Variants in RBMS1 observed in about 807,000 individuals in gnomAD.
RBMS1 encodes the protein RNA binding motif single stranded interacting protein 1, also known as RNA-binding motif, single-stranded-interacting protein 1.
Under a neutral mutation model 62.3 loss-of-function variants are expected in RBMS1, and 17 were observed. The ratio of observed to expected loss-of-function variants is 0.27; its 90% confidence interval spans 0.19 to 0.41. RBMS1 has a LOEUF of 0.41. RBMS1 is among the 10% of genes least tolerant of loss of function. RBMS1 has a pLI of 1.00. For missense variants in RBMS1, 334 were observed against 504.5 expected, an observed-to-expected ratio of 0.66 and a Z score of 3.24; for synonymous variants, 172 against 170.0, an observed-to-expected ratio of 1.01 and a Z score of -0.09.
chr2:160,493,031 A>G, intron 1 of RBMS1: 3 of 409,596 alleles, frequency 7.3e-6, no homozygotes, highest in Non-Finnish European at 1.3e-5. Flanking sequence ...CGGGCCAGGA[A>G]GGGGCTGGTG....
At chr2:160,376,382 T>G (rs994766165) in intron 1 of RBMS1, among the ~76,000 whole-genome samples, 1 of 152,214 alleles carries the variant, frequency 6.6e-6, no homozygotes, top group African/African-American at 2.4e-5. Flanking sequence ...AACAAGTATT[T>G]GCAATCTCCC....
At chr2:160,354,342 G>A (rs941584753) in intron 2 of RBMS1, among the ~76,000 whole-genome samples, 1 of 152,108 alleles carries the variant, frequency 6.6e-6, no homozygotes, top group East Asian at 1.9e-4. Flanking sequence ...TAATGAATAG[G>A]GGTGGTGGAG....
At chr2:160,413,628 C>A (rs1696110384) in intron 1 of RBMS1, among the ~76,000 whole-genome samples, 1 of 152,130 alleles carries the variant, frequency 6.6e-6, no homozygotes, top group South Asian at 2.1e-4. Context: ...TCTGATGAGT[C>A]CTACCAGAAG....
chr2:160,351,446 C>T (rs879260175), intron 2 of RBMS1, among the ~76,000 whole-genome samples: 8 of 152,010 alleles, frequency 5.3e-5, no homozygotes, highest in Admixed American at 3.3e-4. Context: ...TAATACAAAC[C>T]TCTGCATATG....
intron 2 of RBMS1, among the ~76,000 whole-genome samples, chr2:160,363,179 T>C (rs1364684039): frequency 2.6e-5 from 4 of 152,170 alleles, no homozygotes; most frequent in African/African-American, 7.2e-5. Context: ...GCCTAGCACT[T>C]TTAGGTAACT....
chr2:160,492,212 T>C (rs1008460742), intron 1 of RBMS1, among the ~76,000 whole-genome samples: 35 of 152,294 alleles, frequency 2.3e-4, no homozygotes, highest in Admixed American at 1.8e-3. Flanking sequence ...AGAGTTGTGA[T>C]AGATGTTAAT....
Position 160,287,750 on chromosome 2 carries a change from CAT to C in RBMS1, c.641-668_641-667del, listed in dbSNP as rs1439516984. On this transcript the variant is annotated intron_variant, in intron 6 of 13. Coordinates refer to ENST00000348849, the MANE Select transcript of RBMS1 (RefSeq NM_016836.4). The stretch of plus-strand genomic sequence containing the variant: ...TCAGTGAATGAATAGAAATAGGTCT[CAT>C]ATGTTTATTTTTGGGATACGTCAGT... Among the ~76,000 whole-genome samples, 26 of 152,216 alleles carry C rather than the reference CAT, an allele frequency of 1.7e-4. 1 individual carries two copies. The East Asian group carries it at 3.7e-3, about 21-fold the overall frequency.
At chr2:160,353,305 C>G (rs1263476640) in intron 2 of RBMS1, among the ~76,000 whole-genome samples, 1 of 152,076 alleles carries the variant, frequency 6.6e-6, no homozygotes, top group Non-Finnish European at 1.5e-5. Context: ...TCAGGAGATG[C>G]TGATTCTGTC....
At chr2:160,385,668 G>T (rs1694531150) in intron 1 of RBMS1, among the ~76,000 whole-genome samples, 1 of 152,230 alleles carries the variant, frequency 6.6e-6, no homozygotes, top group East Asian at 1.9e-4. Flanking sequence ...ACTGAGAAGA[G>T]CATCAGGAAG....
intron 1 of RBMS1, among the ~76,000 whole-genome samples, chr2:160,389,543 C>T (rs1430014858): frequency 1.3e-5 from 2 of 151,622 alleles, no homozygotes; most frequent in Non-Finnish European, 2.9e-5. Flanking sequence ...ACTAAAAATA[C>T]AAAAATTAGC....
chr2:160,291,408 C>A (rs558310509), intron 6 of RBMS1, among the ~76,000 whole-genome samples: 1 of 152,312 alleles, frequency 6.6e-6, no homozygotes, highest in Admixed American at 6.5e-5. Flanking sequence ...CTACTTTCAA[C>A]ACTCCTCAAC....
At chr2:160,438,213 T>C (rs1683195103) in intron 1 of RBMS1, among the ~76,000 whole-genome samples, 1 of 151,798 alleles carries the variant, frequency 6.6e-6, no homozygotes, top group South Asian at 2.1e-4. Flanking sequence ...ATATAAAAAG[T>C]CCATTGTTTA....
At chr2:160,489,264 A>G (rs1211322718) in intron 1 of RBMS1, among the ~76,000 whole-genome samples, 1 of 152,206 alleles carries the variant, frequency 6.6e-6, no homozygotes, top group Non-Finnish European at 1.5e-5. Context: ...GTCATACATA[A>G]TACCCCACTC....
intron 2 of RBMS1, among the ~76,000 whole-genome samples, chr2:160,358,301 C>T (rs1573925867): frequency 6.6e-6 from 1 of 152,270 alleles, no homozygotes; most frequent in East Asian, 1.9e-4. Context: ...GAGTTACAAT[C>T]AGTGACTCAA....
intron 1 of RBMS1, among the ~76,000 whole-genome samples, chr2:160,395,588 C>T (rs1695095836): frequency 7.1e-6 from 1 of 141,752 alleles, no homozygotes; most frequent in African/African-American, 2.7e-5. Context: ...CGCGCCACTG[C>T]ACTCCAGCCT....
At chr2:160,275,486 T>C in intron 13 of RBMS1, 144 bp downstream of exon 13, 1 of 1,345,028 alleles carries the variant, frequency 7.4e-7, no homozygotes, top group Non-Finnish European at 9.7e-7. Flanking sequence ...GATTTTAATA[T>C]TTCAACAAGA....
chr2:160,408,798 G>A (rs967894187), intron 1 of RBMS1, among the ~76,000 whole-genome samples: 1 of 152,184 alleles, frequency 6.6e-6, no homozygotes, highest in South Asian at 2.1e-4. Context: ...CAGTGCAGAA[G>A]GCCTCCACAG....
chr2:160,330,708 T>C (rs535458113), intron 2 of RBMS1, among the ~76,000 whole-genome samples: 4 of 147,038 alleles, frequency 2.7e-5, no homozygotes, highest in Admixed American at 1.4e-4. Flanking sequence ...AAAAAAAAAA[T>C]GAGCCGATCA....
chr2:160,281,606 G>A, intron 9 of RBMS1: 1 of 379,264 alleles, frequency 2.6e-6, no homozygotes, highest in Non-Finnish European at 4.8e-6. Flanking sequence ...TTGAGTATCA[G>A]GCAACAAAGA....
Sources: allele counts gnomAD v4.1 joint callset (sites outside exome capture counted in the v4.1 genomes callset), GRCh38; gene constraint gnomAD v4.1.1; transcripts MANE v1.5; gene names NCBI Gene and HGNC (gene_info 2026-07-23, HGNC 2026-07-21).